The following NDFIP2 variants were observed in gnomAD, a reference collection of about 807,000 sequenced individuals.
NDFIP2 encodes the protein NEDD4 family-interacting protein 2.
Under a neutral mutation model 36.0 loss-of-function variants are expected in NDFIP2, and 19 were observed. The observed-to-expected ratio is 0.53, with a 90% confidence interval of 0.37 to 0.77. The LOEUF (loss-of-function observed/expected upper bound fraction) is 0.77. NDFIP2 is among the 30% of genes least tolerant of loss of function. The pLI, the probability that NDFIP2 is intolerant of heterozygous loss-of-function variation, is 0.00. For missense variants in NDFIP2, 446 were observed against 435.8 expected, an observed-to-expected ratio of 1.02 and a Z score of -0.21; for synonymous variants, 181 against 167.7, an observed-to-expected ratio of 1.08 and a Z score of -0.61.
rs1318213860 is a variant in NDFIP2 at position 79,551,132 on chromosome 13, A to G, written c.*2+10A>G. 1 of 1,538,172 alleles carries G rather than the reference A, an allele frequency of 6.5e-7. No homozygotes were observed. On this transcript the variant is annotated intron_variant, in intron 7 of 7. Transcript: ENST00000218652. ...TCTTCTTATTGTAGAGGTAAGAAAT[A>G]TTAATCTGTGAACTCTGCCTATTCC...
intron 5 of NDFIP2, among the ~76,000 whole-genome samples, chr13:79,546,102 G>C (rs1047624464): frequency 6.6e-6 from 1 of 152,122 alleles, no homozygotes; most frequent in Non-Finnish European, 1.5e-5. Flanking sequence ...TTTCTGTACT[G>C]CCTCTGTTAC....
intron 2 of NDFIP2, among the ~76,000 whole-genome samples, chr13:79,532,676 C>G (rs1875062397): frequency 6.6e-6 from 1 of 152,102 alleles, no homozygotes; most frequent in Non-Finnish European, 1.5e-5. Context: ...AGTAAAACTT[C>G]AATCTTTTAG....
chr13:79,531,383 T>C (rs1462533989), intron 2 of NDFIP2, among the ~76,000 whole-genome samples: 3 of 152,220 alleles, frequency 2.0e-5, no homozygotes, highest in Non-Finnish European at 4.4e-5. Context: ...AGTTCCCAGC[T>C]GAATTAAATC....
chr13:79,536,170 AT>A (rs1375014862), intron 3 of NDFIP2, among the ~76,000 whole-genome samples: 5 of 152,226 alleles, frequency 3.3e-5, no homozygotes, highest in African/African-American at 1.2e-4. Flanking sequence ...AAAAATGCTA[AT>A]TCCAAACTAT....
chr13:79,533,561 T>C, intron 3 of NDFIP2, 105 bp downstream of exon 3: 1 of 1,064,476 alleles, frequency 9.4e-7, no homozygotes, highest in South Asian at 2.0e-5. Context: ...TGTATGTAGA[T>C]TTTTTTTGAG....
chr13:79,551,290 T>C (rs528944663), intron 7 of NDFIP2, among the ~76,000 whole-genome samples, 168 bp downstream of exon 7: 27 of 151,614 alleles, frequency 1.8e-4, no homozygotes, highest in Admixed American at 1.4e-3. Context: ...TCATAGACCT[T>C]TTTAGATAAC....
At chr13:79,515,214 T>C (rs1307925737) in intron 1 of NDFIP2, among the ~76,000 whole-genome samples, 1 of 152,124 alleles carries the variant, frequency 6.6e-6, no homozygotes, top group Non-Finnish European at 1.5e-5. Flanking sequence ...AGTAAAAGTT[T>C]GATATAATCT....
At chr13:79,482,096 C>T (rs2079817239) in intron 1 of NDFIP2, among the ~76,000 whole-genome samples, 1 of 149,656 alleles carries the variant, frequency 6.7e-6, no homozygotes, top group Admixed American at 6.7e-5. Flanking sequence ...TCATTTTGTC[C>T]TTTTCCATTA....
intron 1 of NDFIP2, among the ~76,000 whole-genome samples, chr13:79,497,681 T>C (rs1434514468): frequency 6.7e-6 from 1 of 149,394 alleles, no homozygotes; most frequent in Non-Finnish European, 1.5e-5. Flanking sequence ...TTTTTTTCTA[T>C]TCCTTGCATT....
intron 1 of NDFIP2, among the ~76,000 whole-genome samples, chr13:79,489,257 ATGT>A (rs1338024042): frequency 6.6e-6 from 1 of 151,992 alleles, no homozygotes; most frequent in African/African-American, 2.4e-5. Context: ...GCTGCAGTTG[ATGT>A]TGTCTATTTT....
intron 2 of NDFIP2, among the ~76,000 whole-genome samples, chr13:79,524,265 T>TG (rs1382114249): frequency 6.6e-6 from 1 of 152,226 alleles, no homozygotes; most frequent in Non-Finnish European, 1.5e-5. Context: ...TCTTGCTGTG[T>TG]GATTTTCCTG....
At chr13:79,486,199 TAAA>T (rs1872979699) in intron 1 of NDFIP2, among the ~76,000 whole-genome samples, 1 of 152,218 alleles carries the variant, frequency 6.6e-6, no homozygotes, top group Non-Finnish European at 1.5e-5. Flanking sequence ...CCAAGCATTT[TAAA>T]TAAGGGATAC....
intron 1 of NDFIP2, among the ~76,000 whole-genome samples, chr13:79,506,292 T>G (rs994824313): frequency 6.6e-6 from 1 of 152,182 alleles, no homozygotes; most frequent in Non-Finnish European, 1.5e-5. Flanking sequence ...TTATTTAAAA[T>G]TGGAATAATA....
At chr13:79,493,795 A>G (rs1873334786) in intron 1 of NDFIP2, among the ~76,000 whole-genome samples, 2 of 152,170 alleles carry the variant, frequency 1.3e-5, no homozygotes, top group South Asian at 2.1e-4. Flanking sequence ...TCATCTAGCT[A>G]CAATGAACCC....
intron 1 of NDFIP2, among the ~76,000 whole-genome samples, chr13:79,493,336 T>A (rs573054015): frequency 1.3e-5 from 2 of 152,344 alleles, no homozygotes; most frequent in South Asian, 4.1e-4. Context: ...GCCTATGCAC[T>A]GTTGATATTC....
At position 79,547,667 on chromosome 13, in the gene NDFIP2, C is replaced by T. The variant is rs1399511652; in HGVS notation, c.841-661C>T. Among the ~76,000 whole-genome samples, 3 of 152,200 alleles carry T rather than the reference C, an allele frequency of 2.0e-5. No individual in the cohort carries two copies. In the South Asian group the frequency reaches 6.2e-4, roughly 32 times the overall value. ...TCTGCCTGTTCATATTCCCACACCA[C>T]GGAGAATATAAAACTGTCTACCATG... is the stretch of plus-strand genomic sequence containing the variant. On this transcript the variant is annotated intron_variant, in intron 5 of 7. Transcript: ENST00000218652.
Position 79,520,844 on chromosome 13 carries a change from C to CT in NDFIP2, c.357dup (p.Ile120TyrfsTer24). The CT allele has an allele frequency of 1.2e-6, 2 of 1,613,852 alleles. No homozygotes were observed. Among genetic ancestry groups the CT allele is most frequent in the Non-Finnish European group, 1.7e-6 (2 of 1,179,822 alleles). On this transcript the variant is annotated frameshift_variant, in exon 2 of 8. Coordinates refer to ENST00000218652, the MANE Select transcript of NDFIP2 (RefSeq NM_019080.3). LOFTEE classifies it high-confidence loss of function. ...GAAGAGGATAACTCAGAATCATCGG[C>CT]TATAGAGCAGCCACCTACTTCAAAC...
intron 1 of NDFIP2, among the ~76,000 whole-genome samples, chr13:79,486,508 T>G (rs1447822025): frequency 6.6e-6 from 1 of 152,222 alleles, no homozygotes; most frequent in African/African-American, 2.4e-5. Context: ...CATTTTAATA[T>G]TTGTTTATGG....
At chr13:79,509,229 A>T (rs917177897) in intron 1 of NDFIP2, among the ~76,000 whole-genome samples, 1 of 152,166 alleles carries the variant, frequency 6.6e-6, no homozygotes, top group African/African-American at 2.4e-5. Context: ...TAAGATATCA[A>T]TCAGTATGTG....
Sources: allele counts gnomAD v4.1 joint callset (sites outside exome capture counted in the v4.1 genomes callset), GRCh38; gene constraint gnomAD v4.1.1; transcripts MANE v1.5; gene names NCBI Gene and HGNC (gene_info 2026-07-23, HGNC 2026-07-21).